CCDC116: variants seen among roughly 807,000 people sequenced by gnomAD.
The protein encoded by CCDC116 is coiled-coil domain containing 116, also known as coiled-coil domain-containing protein 116.
A neutral mutation model predicts 29.4 loss-of-function variants in CCDC116; 24 were observed. That is an observed-to-expected ratio of 0.82 (90% CI 0.59 to 1.15). CCDC116 has a LOEUF of 1.15. Among genes scored for constraint, CCDC116 ranks in the 50% most tolerant of loss-of-function variants. The pLI is 0.00. For synonymous variants in CCDC116, 298 were observed against 331.4 expected (o/e 0.90, Z 1.10); for missense variants, 791 against 804.0 (o/e 0.98, Z 0.20).
In CCDC116 at chr22:21,637,225, C is replaced by A; in HGVS notation, c.*155C>A. On this transcript the variant is annotated 3_prime_UTR_variant, in exon 5 of 5. Coordinates refer to ENST00000292779, the MANE Select transcript of CCDC116 (RefSeq NM_152612.3). ...CCCCTGCCAAGAGCAGGAGTCACCA[C>A]AGGCTGAATGCCCACGAGGAGCTCT... The A allele has an allele frequency of 1.7e-6, 2 of 1,153,556 alleles. No homozygotes were observed. The highest frequency in any genetic ancestry group is 2.4e-6 in the Non-Finnish European group (2 of 848,600). 71.5% of individuals were successfully genotyped at this position (1,153,556 alleles called of 1,614,324 possible). A position where few individuals can be genotyped will look rare whatever the true frequency, so the allele number is the denominator to read the frequency against.
chr22:21,634,312 ACGG>A lies in CCDC116; in HGVS notation c.367_369del (p.Arg123del). Reference sequence around the variant, plus strand: ...ACCCAGTGGAGGTGCCAAGTGGTGGACGGCGGGCACATGCCCGGCCCAGCCTCA... The same window carrying A: ...ACCCAGTGGAGGTGCCAAGTGGTGGACGGGCACATGCCCGGCCCAGCCTCA... On this transcript the variant is annotated inframe_deletion, in exon 3 of 5. Coordinates refer to ENST00000292779, the MANE Select transcript of CCDC116 (RefSeq NM_152612.3). 1 of 1,612,926 alleles carries A rather than the reference ACGG, an allele frequency of 6.2e-7. No individual in the cohort carries two copies. Among genetic ancestry groups the A allele is most frequent in the Non-Finnish European group, 8.5e-7 (1 of 1,179,866 alleles).
At chr22:21,634,614 G>A (rs1487901041) in intron 3 of CCDC116, 44 bp downstream of exon 3, 1 of 1,571,410 alleles carries the variant, frequency 6.4e-7, no homozygotes. Flanking sequence ...CTCCCATGGA[G>A]AGCCCAGGGC....
intron 4 of CCDC116, chr22:21,635,583 C>T (rs940658606): frequency 4.3e-6 from 3 of 703,010 alleles, no homozygotes; most frequent in African/African-American, 3.5e-5. Context: ...GAGGTGACCT[C>T]CTCAAAAGTA....
In CCDC116 at chr22:21,633,194, C is replaced by G. The variant is rs573966878; in HGVS notation, c.13C>G (p.Arg5Gly). The change falls in exon 2 of 5, where the codon CGC becomes GGC. Residue 5 changes from arginine to glycine, a missense_variant. By Grantham distance (125) the Arg-to-Gly change is moderately radical (BLOSUM62 -2). Transcript: ENST00000292779. ...GCCAGGTGACCACATGGCCAGGTGC[C>G]GCCACCACTCGGGTTACCTGGCCGA... is the stretch of plus-strand genomic sequence containing the variant. MARC[R>G]HHSGYLADDE... 1 of 1,550,582 alleles carries G rather than the reference C, an allele frequency of 6.4e-7. No individual in the cohort carries two copies. The highest frequency in any genetic ancestry group is 2.0e-5 in the Admixed American group (1 of 51,004).
At chr22:21,632,873 G>A (rs1930605075) in intron 1 of CCDC116, 46 bp downstream of exon 1, 1 of 517,254 alleles carries the variant, frequency 1.9e-6, no homozygotes, top group Non-Finnish European at 3.7e-6. Flanking sequence ...GGTTGCCCAG[G>A]GTTTGGGAGG....
Position 21,635,221 on chromosome 22 carries a change from C to T in CCDC116, c.1158C>T (p.Ser386=). The T allele has an allele frequency of 1.9e-6, 3 of 1,599,786 alleles. No homozygotes were observed. Among genetic ancestry groups the T allele is most frequent in the East Asian group, 4.5e-5 (2 of 44,856 alleles). Reference sequence around the variant, plus strand: ...GAAAACGCAAGGACAGAGGAGGCTCCCCCTCCATGTCTAGTGCCCAGGTGG... The same window carrying T: ...GAAAACGCAAGGACAGAGGAGGCTCTCCCTCCATGTCTAGTGCCCAGGTGG... ...LQRKRKDRGG[S]PSMSSAQVAT... is the part of the protein sequence containing the mutation. The change falls in exon 4 of 5, where the codon TCC becomes TCT. Residue 386 remains serine (S), a synonymous_variant. Transcript: ENST00000292779.
At position 21,634,306 on chromosome 22, in the gene CCDC116, T is replaced by C. The variant is rs1568997419; in HGVS notation, c.357T>C (p.Ser119=). ...VEVQDPVEVP[S]GGRRAHARPS... Reference sequence around the variant, plus strand: ...TGCAGGACCCAGTGGAGGTGCCAAGTGGTGGACGGCGGGCACATGCCCGGC... The same window carrying C: ...TGCAGGACCCAGTGGAGGTGCCAAGCGGTGGACGGCGGGCACATGCCCGGC... Residue 119 remains serine (S), a synonymous_variant, in exon 3 of 5, where the codon AGT becomes AGC. Transcript: ENST00000292779. The C allele has an allele frequency of 4.3e-6, 7 of 1,613,190 alleles. No homozygotes were observed. The South Asian group carries it at 6.6e-5, about 15-fold the overall frequency.
Position 21,635,029 on chromosome 22 carries a change from T to G in CCDC116, c.966T>G (p.Asp322Glu). The change falls in exon 4 of 5, where the codon GAT (aspartate) becomes GAG (glutamate). Residue 322 changes from aspartate to glutamate, a missense_variant. Coordinates refer to ENST00000292779, the MANE Select transcript of CCDC116 (RefSeq NM_152612.3). ...AAAGCGTGGTCAGCCAGGCTGTGGA[T>G]AAGCTCCGTGGCGCCCACTGCCGCG... ...ALQSVVSQAV[D>E]KLRGAHCRDG... 1 of 1,610,812 alleles carries G rather than the reference T, an allele frequency of 6.2e-7. No homozygotes were observed. The highest frequency in any genetic ancestry group is 8.5e-7 in the Non-Finnish European group (1 of 1,179,998).
At chr22:21,635,747 C>A in intron 4 of CCDC116, 1 of 601,050 alleles carries the variant, frequency 1.7e-6, no homozygotes, top group South Asian at 2.0e-5. Flanking sequence ...TGAATCCTGG[C>A]CTAGCTATTA....
Position 21,634,110 on chromosome 22 carries a change from G to T in CCDC116, c.161G>T (p.Ser54Ile). The T allele has an allele frequency of 6.2e-7, 1 of 1,614,234 alleles. No homozygotes were observed. The highest frequency in any genetic ancestry group is 8.5e-7 in the Non-Finnish European group (1 of 1,180,032). The stretch of plus-strand genomic sequence containing the variant: ...CCACACCCACCATCCACATGTGGCA[G>T]CTCAGCACTCCAGGGCCAACGCCGA... The part of the protein sequence containing the change: ...RVPHPPSTCG[S>I]SALQGQRRNK... The change falls in exon 3 of 5, where the codon AGC becomes ATC. Residue 54 changes from serine (S) to isoleucine (I), a missense_variant. Coordinates refer to ENST00000292779, the MANE Select transcript of CCDC116 (RefSeq NM_152612.3).
chr22:21,636,991 A>G lies in CCDC116; in HGVS notation c.1763A>G (p.Lys588Arg), dbSNP rs539042211. 9.3e-6 allele frequency: 15 copies of G among 1,613,668 alleles called. No homozygotes were observed. In the East Asian group the frequency reaches 3.3e-4, roughly 36 times the overall value. ...GACATGGACAATGAGGGCCGTGATA[A>G]AGCCGAGATTGAAGATGAAGATGAG... The part of the protein sequence containing the change: ...SKDMDNEGRD[K>R]AEIEDEDEDE... The change falls in exon 5 of 5, where the codon AAA becomes AGA. Residue 588 changes from lysine (K) to arginine (R), a missense_variant. Lys to Arg is a conservative substitution (Grantham distance 26). Transcript: ENST00000292779.
In CCDC116 at chr22:21,636,494, C is replaced by T. The variant is rs1268166996; in HGVS notation, c.1266C>T (p.Ser422=). 1 of 1,614,022 alleles carries T rather than the reference C, an allele frequency of 6.2e-7. No individual in the cohort carries two copies. Among genetic ancestry groups the T allele is most frequent in the Admixed American group, 1.7e-5 (1 of 60,010 alleles). ...KKPLPSISSK[S]SMSHFSNRLY... is the part of the protein sequence containing the mutation. ...CGCTGCCCTCCATCTCGTCGAAGTC[C>T]AGCATGTCTCACTTCTCCAACCGCC... The change falls in exon 5 of 5, where the codon TCC becomes TCT. Residue 422 remains serine, a synonymous_variant. Transcript: ENST00000292779.
Position 21,637,222 on chromosome 22 carries a change from C to A in CCDC116, c.*152C>A. The A allele has an allele frequency of 8.2e-7, 1 of 1,213,184 alleles. No individual in the cohort carries two copies. The highest frequency in any genetic ancestry group is 1.1e-6 in the Non-Finnish European group (1 of 902,876). The allele number at this position is 1,213,184 out of a possible 1,614,324, so 75.2% of individuals were successfully genotyped here. A position where few individuals can be genotyped will look rare whatever the true frequency, so the allele number is the denominator to read the frequency against. On this transcript the variant is annotated 3_prime_UTR_variant, in exon 5 of 5. Transcript: ENST00000292779. ...CAGCCCCTGCCAAGAGCAGGAGTCA[C>A]CACAGGCTGAATGCCCACGAGGAGC...
rs2066036201 is a variant in CCDC116, at chr22:21,636,901, C to T, written c.1673C>T (p.Pro558Leu). ...TTGCCAGCCAGCCGGCAGCTCAGCC[C>T]TTTGGAGCCCAAGCTCTACATGTCT... ...TNLPASRQLSPLEPKLYMSAC... is the reference protein window; with the variant it reads ...TNLPASRQLSLLEPKLYMSAC... The change falls in exon 5 of 5, where the codon CCT becomes CTT. Residue 558 changes from proline to leucine, a missense_variant. Physicochemically the swap from Pro to Leu is moderately conservative, Grantham distance 98. Transcript: ENST00000292779. The T allele has an allele frequency of 1.2e-6, 2 of 1,613,804 alleles. No individual in the cohort carries two copies. Among genetic ancestry groups the T allele is most frequent in the Non-Finnish European group, 1.7e-6 (2 of 1,180,050 alleles).
At chr22:21,633,689 A>G (rs1240229277) in intron 2 of CCDC116, among the ~76,000 whole-genome samples, 1 of 152,208 alleles carries the variant, frequency 6.6e-6, no homozygotes, top group Non-Finnish European at 1.5e-5. Flanking sequence ...CGAGAGATTC[A>G]TGATTGCTCA....
chr22:21,635,729 G>C (rs1930774703), intron 4 of CCDC116: 1 of 610,140 alleles, frequency 1.6e-6, no homozygotes, highest in Non-Finnish European at 2.9e-6. Flanking sequence ...CAAGCTGATG[G>C]GGGCCCATGA....
chr22:21,635,889 C>T (rs887522738), intron 4 of CCDC116: 4 of 476,998 alleles, frequency 8.4e-6, no homozygotes, highest in African/African-American at 5.9e-5. Flanking sequence ...AGCCCAAGCC[C>T]AGCCGGGGCC....
rs796513710 is a variant in CCDC116 at position 21,635,814 on chromosome 22, C to A, written c.1203+548C>A. The A allele has an allele frequency of 1.2e-5, 7 of 581,710 alleles. No individual in the cohort carries two copies. The African/African-American group carries it at 1.3e-4, about 11-fold the overall frequency. 36.0% of individuals were successfully genotyped at this position (581,710 alleles called of 1,614,324 possible). ...TTTTTATGCTGGGTATTTTTTCTAACGTTTGTATGTGAATCTAGAGACGCT... is the reference window on the plus strand; with the variant it reads ...TTTTTATGCTGGGTATTTTTTCTAAAGTTTGTATGTGAATCTAGAGACGCT... On this transcript the variant is annotated intron_variant, in intron 4 of 4. Transcript: ENST00000292779.
At chr22:21,635,860 C>T in intron 4 of CCDC116, 1 of 534,916 alleles carries the variant, frequency 1.9e-6, no homozygotes, top group Non-Finnish European at 3.3e-6. Flanking sequence ...GGTGGAAAGT[C>T]CCGTCCCTTG....
Sources: gnomAD v4.1 joint callset for allele counts (sites outside exome capture counted in the v4.1 genomes callset) on GRCh38, gnomAD v4.1.1 for gene constraint, MANE v1.5 for transcripts, NCBI Gene and HGNC (gene_info 2026-07-23, HGNC 2026-07-21) for gene names.